Variants in COL18A1 observed in about 807,000 individuals in gnomAD.
COL18A1 encodes the protein collagen alpha-1(XVIII) chain.
COL18A1 carries 133 observed loss-of-function variants against 168.0 expected under a neutral mutation model. The ratio of observed to expected loss-of-function variants is 0.79; its 90% CI spans 0.69 to 0.91. COL18A1 has a LOEUF of 0.91. Among genes scored for constraint, COL18A1 ranks in the 40% least tolerant of loss-of-function variants. COL18A1 has a pLI of 0.00. For missense variants in COL18A1, 2,126 were observed against 1,925.4 expected, an observed-to-expected ratio of 1.10 and a Z score of -1.95; for synonymous variants, 949 against 809.0, an observed-to-expected ratio of 1.17 and a Z score of -2.94.
intron 15 of COL18A1, among the ~76,000 whole-genome samples, chr21:45,483,320 C>A (rs145873766): frequency 6.6e-6 from 1 of 152,204 alleles, no homozygotes; most frequent in African/African-American, 2.4e-5. Context: ...GAAGGCAGCC[C>A]GGGTGTCCTT....
At chr21:45,451,287 G>C (rs1569295875) in intron 2 of COL18A1, among the ~76,000 whole-genome samples, 1 of 152,248 alleles carries the variant, frequency 6.6e-6, no homozygotes, top group Non-Finnish European at 1.5e-5. Context: ...GATAGAGCAG[G>C]GAGTCAACCC....
At chr21:45,466,416 G>C (rs991023795) in intron 2 of COL18A1, among the ~76,000 whole-genome samples, 2 of 152,204 alleles carry the variant, frequency 1.3e-5, no homozygotes, top group African/African-American at 4.8e-5. Flanking sequence ...AAAGGGAGGT[G>C]GTCCAGCAGG....
chr21:45,505,856 C>A lies in COL18A1; in HGVS notation c.3106C>A (p.Arg1036Ser), dbSNP rs772808254. Residue 1036 changes from arginine (R) to serine (S), a missense_variant, in exon 37 of 42, where the codon CGC becomes AGC. Physicochemically the swap from Arg to Ser is moderately radical, Grantham distance 110. Transcript: ENST00000651438. ...CCAGCAGGTGAGGCTCTGGGCTACA[C>A]GCCAGGCCATGCTGGGCCAGGTGCA... ...ASSGVRLWAT[R>S]QAMLGQVHEV... is the part of the protein sequence containing the mutation. 10 of 1,608,874 alleles carry A rather than the reference C, an allele frequency of 6.2e-6. No homozygotes were observed. In the Admixed American group the frequency reaches 8.4e-5, roughly 13 times the overall value.
intron 2 of COL18A1, among the ~76,000 whole-genome samples, chr21:45,412,403 ATT>A (rs770343136): frequency 1.4e-4 from 19 of 140,254 alleles, no homozygotes; most frequent in Admixed American, 1.4e-4. Flanking sequence ...CGCCTGGCTA[ATT>A]TTTTTTTTTT....
chr21:45,406,342 C>T (rs1271558378), intron 2 of COL18A1, among the ~76,000 whole-genome samples: 1 of 152,160 alleles, frequency 6.6e-6, no homozygotes, highest in Non-Finnish European at 1.5e-5. Context: ...CTTGCTACAG[C>T]GGGTGAGGAA....
Position 45,460,206 on chromosome 21 carries a change from G to A in COL18A1, c.107-8036G>A, listed in dbSNP as rs533392104. ...ATGCAGGACAAGCAAGCTCCCAGCC[G>A]GGGAGCACCAGGAGACCAGCAGGCA... On this transcript the variant is annotated intron_variant, in intron 2 of 41. Coordinates refer to ENST00000651438, the MANE Select transcript of COL18A1 (RefSeq NM_001379500.1). 4.6e-5 allele frequency among the ~76,000 whole-genome samples: 7 copies of A among 152,312 alleles called. No homozygotes were observed. In the East Asian group the frequency reaches 5.8e-4, roughly 13 times the overall value.
intron 2 of COL18A1, among the ~76,000 whole-genome samples, chr21:45,432,004 A>G (rs563652971): frequency 6.6e-6 from 1 of 152,286 alleles, no homozygotes; most frequent in South Asian, 2.1e-4. Flanking sequence ...CCCACATCCT[A>G]TTAAGCCCAT....
intron 2 of COL18A1, among the ~76,000 whole-genome samples, chr21:45,418,667 C>T (rs1348950371): frequency 6.6e-6 from 1 of 152,190 alleles, no homozygotes; most frequent in East Asian, 1.9e-4. Context: ...CACATCTCTT[C>T]CTGGGGTCTC....
Position 45,438,353 on chromosome 21 carries a change from C to CTCAG in COL18A1, c.107-29889_107-29888insTCAG, listed in dbSNP as rs1187558035. Among the ~76,000 whole-genome samples the CTCAG allele has an allele frequency of 7.3e-4, 104 of 141,716 alleles. 5 individuals are homozygous for CTCAG. The highest frequency in any genetic ancestry group is 2.6e-3 in the African/African-American group (95 of 36,214). 93.0% of individuals were successfully genotyped at this position (141,716 alleles called of 152,430 possible). On this transcript the variant is annotated intron_variant, in intron 2 of 41. Transcript: ENST00000651438. ...ACACACACACACTCACACACTCAGA[C>CTCAG]ACACAGGCACTCTCCTGCACACACA...
intron 2 of COL18A1, among the ~76,000 whole-genome samples, chr21:45,435,314 G>A (rs1420249603): frequency 1.6e-5 from 2 of 127,084 alleles, no homozygotes; most frequent in African/African-American, 5.7e-5. Flanking sequence ...GGTGGGGGTG[G>A]GCGGAGGGAG....
rs1004159368 is a variant in COL18A1 at position 45,423,238 on chromosome 21, G to A, written c.106+17765G>A. 1.3e-5 allele frequency among the ~76,000 whole-genome samples: 2 copies of A among 152,202 alleles called. No individual in the cohort carries two copies. Among genetic ancestry groups the A allele is most frequent in the African/African-American group, 4.8e-5 (2 of 41,452 alleles). ...ATGGCTTATGTTCCATGGTGACATG[G>A]TTCTTGAGGGTTAGCTGGTCCAGTT... On this transcript the variant is annotated intron_variant, in intron 2 of 41. Coordinates refer to ENST00000651438, the MANE Select transcript of COL18A1 (RefSeq NM_001379500.1). The surrounding 1 kb of genome is among the most constrained non-coding windows in gnomAD (Gnocchi z 4.0).
chr21:45,477,723 C>T lies in COL18A1; in HGVS notation c.1006-27C>T, dbSNP rs528547810. The stretch of plus-strand genomic sequence containing the variant: ...GGGTGTGTGGGGCCCCACCCCAGCC[C>T]GAGCCCTGTGTTCTGTTTATTCCCA... On this transcript the variant is annotated intron_variant, in intron 7 of 41. Transcript: ENST00000651438. 2.7e-5 allele frequency: 41 copies of T among 1,515,596 alleles called. No homozygotes were observed. In the East Asian group the frequency reaches 3.5e-4, roughly 13 times the overall value. 93.9% of individuals were successfully genotyped at this position (1,515,596 alleles called of 1,614,324 possible). A position where few individuals can be genotyped will look rare whatever the true frequency, so the allele number is the denominator to read the frequency against.
Position 45,471,319 on chromosome 21 carries a change from G to T in COL18A1, c.651+2533G>T, listed in dbSNP as rs1255434121. The stretch of plus-strand genomic sequence containing the variant: ...AGCTGGGGAGAGGAGAAGCATGCTT[G>T]TGTGGTAGAAAAGAAGACAGACTTG... On this transcript the variant is annotated intron_variant, in intron 3 of 41. Transcript: ENST00000651438. The surrounding 1 kb of genome is among the most constrained non-coding windows in gnomAD (Gnocchi z 4.4). Among the ~76,000 whole-genome samples, 1 of 152,242 alleles carries T rather than the reference G, an allele frequency of 6.6e-6. No individual in the cohort carries two copies. The highest frequency in any genetic ancestry group is 6.5e-5 in the Admixed American group (1 of 15,290).
chr21:45,446,434 C>A (rs577119473), intron 2 of COL18A1, among the ~76,000 whole-genome samples: 2 of 152,290 alleles, frequency 1.3e-5, no homozygotes, highest in South Asian at 4.1e-4. Flanking sequence ...TAGAAAGGTG[C>A]AAACTACTCA....
intron 2 of COL18A1, among the ~76,000 whole-genome samples, chr21:45,451,991 G>A (rs2034632752): frequency 6.6e-6 from 1 of 152,234 alleles, no homozygotes; most frequent in Non-Finnish European, 1.5e-5. Context: ...TCTCTGGCAG[G>A]CCTGAGGCCG....
At position 45,498,688 on chromosome 21, in the gene COL18A1, G is replaced by A. The variant is rs142376252; in HGVS notation, c.2683+1027G>A. ...CCATGCCAGCCTTGGATCTCTCAGC[G>A]TCACACACGACGCCCAGGAAGGAGT... is the stretch of plus-strand genomic sequence containing the variant. On this transcript the variant is annotated intron_variant, in intron 32 of 41. Coordinates refer to ENST00000651438, the MANE Select transcript of COL18A1 (RefSeq NM_001379500.1). The surrounding 1 kb of genome is among the most constrained non-coding windows in gnomAD (Gnocchi z 4.5). The A allele has an allele frequency of 7.9e-5, 52 of 658,836 alleles. No homozygotes were observed. Among genetic ancestry groups the A allele is most frequent in the African/African-American group, 3.2e-4 (18 of 55,768 alleles). The allele number at this position is 658,836 out of a possible 1,614,324, so 40.8% of individuals were successfully genotyped here. A position where few individuals can be genotyped will look rare whatever the true frequency, so the allele number is the denominator to read the frequency against.
At chr21:45,467,209 G>T in intron 2 of COL18A1, 7 of 984,560 alleles carry the variant, frequency 7.1e-6, no homozygotes, top group Non-Finnish European at 8.4e-6. Context: ...CCGTGGGCAG[G>T]AAACGAGGTG....
chr21:45,458,192 C>A (rs991728057), intron 2 of COL18A1, among the ~76,000 whole-genome samples: 2 of 151,130 alleles, frequency 1.3e-5, no homozygotes, highest in Non-Finnish European at 3.0e-5. Context: ...CTGGTGTGTG[C>A]AGGAGTGGGG....
At chr21:45,434,203 G>A (rs78184684) in intron 2 of COL18A1, among the ~76,000 whole-genome samples, 5 of 122,598 alleles carry the variant, frequency 4.1e-5, no homozygotes, top group African/African-American at 1.2e-4. Flanking sequence ...TCACCGGGGG[G>A]TGGTGATATT....
Sources: gnomAD v4.1 joint callset for allele counts (sites outside exome capture counted in the v4.1 genomes callset) on GRCh38, gnomAD v4.1.1 for gene constraint, Gnocchi (gnomAD v3.1) non-coding constraint, MANE v1.5 for transcripts, NCBI Gene and HGNC (gene_info 2026-07-23, HGNC 2026-07-21) for gene names.